The following NLRX1 variants were observed in gnomAD, a reference collection of about 807,000 sequenced individuals.
NLRX1 encodes NOD-like receptor X1.
A neutral mutation model predicts 74.2 loss-of-function variants in NLRX1; 67 were observed. That is an observed-to-expected ratio of 0.90 (90% CI 0.74 to 1.11). The LOEUF (loss-of-function observed/expected upper bound fraction) is 1.11. Among genes scored for constraint, NLRX1 ranks in the 50% least tolerant of loss-of-function variants. The probability of loss-of-function intolerance (pLI) is 0.00; values close to 1 mark genes in which losing one functional copy is unlikely to be tolerated. For missense variants in NLRX1, 1,191 were observed against 1,305.4 expected (o/e 0.91, Z 1.35); for synonymous variants, 506 against 559.1 (o/e 0.91, Z 1.34).
In NLRX1 at chr11:119,181,230, A is replaced by G. The variant is rs1565834681; in HGVS notation, c.2327A>G (p.His776Arg). The G allele has an allele frequency of 5.6e-6, 9 of 1,613,854 alleles. No individual in the cohort carries two copies. The highest frequency in any genetic ancestry group is 6.8e-6 in the Non-Finnish European group (8 of 1,179,940). Residue 776 changes from histidine (H) to arginine (R), a missense_variant, in exon 8 of 10, where the codon CAT (histidine) becomes CGT (arginine). Coordinates refer to ENST00000409109, the MANE Select transcript of NLRX1 (RefSeq NM_001282144.2). ...ACKDLRDLLLHDQCQITTLRL... is the reference protein window; with the variant it reads ...ACKDLRDLLLRDQCQITTLRL... ...AAGGACCTCCGAGACCTGTTGCTGC[A>G]TGACCAGTGCCAAATTACCACACTG...
Position 119,174,437 on chromosome 11 carries a change from A to G in NLRX1, c.850-16A>G, listed in dbSNP as rs1481089986. 6 of 1,608,360 alleles carry G rather than the reference A, an allele frequency of 3.7e-6. No homozygotes were observed. The highest frequency in any genetic ancestry group is 2.2e-5 in the East Asian group (1 of 44,826). On this transcript the variant is annotated splice_polypyrimidine_tract_variant and intron_variant, in intron 5 of 9. Transcript: ENST00000409109. ...ACACTAAGGTCTTTCTTAACTCTCA[A>G]CCATGCTCTTCCCAGGCCAGCATTC...
At chr11:119,181,985 C>T (rs1948848252) in intron 8 of NLRX1, 109 bp from the exon 9 acceptor site, 3 of 1,390,846 alleles carry the variant, frequency 2.2e-6, no homozygotes, top group Non-Finnish European at 3.0e-6. Flanking sequence ...GGCCCAAGTC[C>T]TGACACCCAG....
At position 119,183,342 on chromosome 11, in the gene NLRX1, G is replaced by A. The variant is rs61730045; in HGVS notation, c.2831G>A (p.Arg944Gln). ...ELLLRDLEDSRGATLNPWRKA... is the reference protein window; with the variant it reads ...ELLLRDLEDSQGATLNPWRKA... ...CTACTGCGGGATCTGGAAGATAGCC[G>A]GGGTGCCACCCTTAATCCTTGGCGC... Residue 944 changes from arginine to glutamine, a missense_variant, in exon 10 of 10, where the codon CGG becomes CAG. Transcript: ENST00000409109. The surrounding 1 kb of genome is among the most constrained non-coding windows in gnomAD (Gnocchi z 5.7). 2.0e-4 allele frequency: 320 copies of A among 1,614,220 alleles called. No homozygotes were observed. The African/African-American group carries it at 3.9e-3, about 20-fold the overall frequency.
intron 1 of NLRX1, among the ~76,000 whole-genome samples, chr11:119,170,004 A>T (rs1380556156): frequency 2.2e-5 from 1 of 46,136 alleles, no homozygotes; most frequent in African/African-American, 1.5e-4. Context: ...TCTCAGGAAA[A>T]AAAAAAAAAA....
At position 119,174,820 on chromosome 11, in the gene NLRX1, T is replaced by C; in HGVS notation, c.1217T>C (p.Phe406Ser). The part of the protein sequence containing the change: ...SIYTSFLRLN[F>S]SGETLDSTDP... ...TATACCAGCTTCCTGCGCCTCAACT[T>C]CAGCGGGGAAACCCTGGACAGCACT... is the stretch of plus-strand genomic sequence containing the variant. The change falls in exon 6 of 10, where the codon TTC becomes TCC. Residue 406 changes from phenylalanine to serine, a missense_variant. Phe to Ser is a radical substitution (Grantham distance 155). Coordinates refer to ENST00000409109, the MANE Select transcript of NLRX1 (RefSeq NM_001282144.2). 1 of 1,613,958 alleles carries C rather than the reference T, an allele frequency of 6.2e-7. No homozygotes were observed. Among genetic ancestry groups the C allele is most frequent in the Non-Finnish European group, 8.5e-7 (1 of 1,180,022 alleles).
At chr11:119,180,426 C>T (rs1366374199) in intron 7 of NLRX1, 138 bp downstream of exon 7, 30 of 714,076 alleles carry the variant, frequency 4.2e-5, no homozygotes, top group Admixed American at 1.5e-4. Context: ...GTTTAGGGGC[C>T]GGGAGCAGTG....
rs1412151350 is a variant in NLRX1 at position 119,173,405 on chromosome 11, C to T, written c.230-74C>T. ...CCGTGATGTCCCAGCCTGACCTCAC[C>T]ACCGCCCTGATTGGCCCTAAGCTAC... On this transcript the variant is annotated intron_variant, in intron 4 of 9. Transcript: ENST00000409109. The surrounding 1 kb of genome is among the most constrained non-coding windows in gnomAD (Gnocchi z 4.0). The T allele has an allele frequency of 1.4e-5, 22 of 1,519,822 alleles. 1 individual carries two copies. The East Asian group carries it at 5.0e-4, about 34-fold the overall frequency. 94.1% of individuals were successfully genotyped at this position (1,519,822 alleles called of 1,614,324 possible). A position where few individuals can be genotyped will look rare whatever the true frequency, so the allele number is the denominator to read the frequency against.
chr11:119,173,487 C>A lies in NLRX1; in HGVS notation c.238C>A (p.Gln80Lys). 1 of 1,613,210 alleles carries A rather than the reference C, an allele frequency of 6.2e-7. No homozygotes were observed. Residue 80 changes from glutamine to lysine, a missense_variant, in exon 5 of 10, where the codon CAG (glutamine) becomes AAG (lysine). By Grantham distance (53) the Gln-to-Lys change is moderately conservative (BLOSUM62 1). Coordinates refer to ENST00000409109, the MANE Select transcript of NLRX1 (RefSeq NM_001282144.2). This position sits in a 1 kb window ranked among gnomAD's most constrained non-coding sequence, Gnocchi z 4.0. ...FPSASATEAIQRHRRNLAEWF... is the reference protein window; with the variant it reads ...FPSASATEAIKRHRRNLAEWF... ...CTTATCTTCCCACTCAGAAGCTATA[C>A]AGCGGCACCGCCGGAACCTGGCTGA...
intron 6 of NLRX1, among the ~76,000 whole-genome samples, chr11:119,178,663 G>A (rs1948755073): frequency 6.6e-6 from 1 of 151,866 alleles, no homozygotes; most frequent in African/African-American, 2.4e-5. Context: ...GTTGGGGGAG[G>A]GGAAATGCCC....
rs368545709 is a variant in NLRX1 at position 119,179,928 on chromosome 11, G to A, written c.1907G>A (p.Arg636Gln). The A allele has an allele frequency of 2.2e-5, 35 of 1,611,704 alleles. No homozygotes were observed. Among genetic ancestry groups the A allele is most frequent in the Non-Finnish European group, 2.8e-5 (33 of 1,178,322 alleles). The stretch of plus-strand genomic sequence containing the variant: ...GGGGGGCTTCTCTCTGCCCACAACC[G>A]AGCTGTGCTAGCTCAGCTTGGCTGC... ...FMGGLLSAHN[R>Q]AVLAQLGCPI... is the part of the protein sequence containing the mutation. The change falls in exon 7 of 10, where the codon CGA becomes CAA. Residue 636 changes from arginine (R) to glutamine (Q), a missense_variant. Coordinates refer to ENST00000409109, the MANE Select transcript of NLRX1 (RefSeq NM_001282144.2).
In NLRX1 at chr11:119,182,248, C is replaced by G. The variant is rs1948858065; in HGVS notation, c.2509C>G (p.Leu837Val). 3 of 1,613,738 alleles carry G rather than the reference C, an allele frequency of 1.9e-6. No homozygotes were observed. The highest frequency in any genetic ancestry group is 1.7e-5 in the Admixed American group (1 of 60,000). Residue 837 changes from leucine (L) to valine (V), a missense_variant, in exon 9 of 10, where the codon CTG becomes GTG. Coordinates refer to ENST00000409109, the MANE Select transcript of NLRX1 (RefSeq NM_001282144.2). ...LAAQLDRNRQ[L>V]QELNVAYNGA... Reference sequence around the variant, plus strand: ...TGCCCAGCTGGACCGCAACCGGCAGCTGCAGGAGCTGAACGTGGCGTACAA... The same window carrying G: ...TGCCCAGCTGGACCGCAACCGGCAGGTGCAGGAGCTGAACGTGGCGTACAA...
intron 6 of NLRX1, 39 bp from the exon 7 acceptor site, chr11:119,179,654 A>G (rs751533087): frequency 2.2e-5 from 34 of 1,545,290 alleles, no homozygotes; most frequent in Middle Eastern, 3.5e-4. Flanking sequence ...GAACAGGCAC[A>G]TGGAAGGCCA....
rs80042725 is a variant in NLRX1, at chr11:119,174,654, G to C, written c.1051G>C (p.Val351Leu). 2.5e-6 allele frequency: 4 copies of C among 1,614,034 alleles called. No homozygotes were observed. In the African/African-American group the frequency reaches 5.3e-5, roughly 21 times the overall value. ...SATPAQRDHL[V>L]QMLSRNLEGH... is the part of the protein sequence containing the mutation. ...CACACCAGCTCAGCGTGACCACCTG[G>C]TGCAGATGCTCTCCCGGAACCTGGA... Residue 351 changes from valine (V) to leucine (L), a missense_variant, in exon 6 of 10, where the codon GTG becomes CTG. Physicochemically the swap from Val to Leu is conservative, Grantham distance 32. Coordinates refer to ENST00000409109, the MANE Select transcript of NLRX1 (RefSeq NM_001282144.2).
intron 1 of NLRX1, among the ~76,000 whole-genome samples, chr11:119,170,074 C>G (rs1948505542): frequency 7.5e-6 from 1 of 132,452 alleles, no homozygotes; most frequent in African/African-American, 2.8e-5. Flanking sequence ...TCATTCCAAA[C>G]TGGGAAGAGT....
rs993153258 is a variant in NLRX1 at position 119,173,245 on chromosome 11, G to C, written c.230-234G>C. The C allele has an allele frequency of 6.4e-6, 4 of 627,944 alleles. No individual in the cohort carries two copies. Among genetic ancestry groups the C allele is most frequent in the South Asian group, 5.9e-5 (3 of 50,922 alleles). 38.9% of individuals were successfully genotyped at this position (627,944 alleles called of 1,614,324 possible). The stretch of plus-strand genomic sequence containing the variant: ...AAAGTTGGGTCAAGCAGGTTAAGAC[G>C]GCACATAGGTCACTGTGAAACCAGT... On this transcript the variant is annotated intron_variant, in intron 4 of 9. Transcript: ENST00000409109. This position sits in a 1 kb window ranked among gnomAD's most constrained non-coding sequence, Gnocchi z 4.0.
In NLRX1 at chr11:119,183,294, G is replaced by A; in HGVS notation, c.2783G>A (p.Arg928Gln). The A allele has an allele frequency of 1.9e-6, 3 of 1,614,210 alleles. No individual in the cohort carries two copies. Among genetic ancestry groups the A allele is most frequent in the Non-Finnish European group, 1.7e-6 (2 of 1,180,038 alleles). ...QRNLNSWDRA[R>Q]VQRHLELLLR... The stretch of plus-strand genomic sequence containing the variant: ...AACCTCAATAGCTGGGATCGGGCCC[G>A]GGTTCAGCGACACCTTGAGCTCCTA... Residue 928 changes from arginine to glutamine, a missense_variant, in exon 10 of 10, where the codon CGG (arginine) becomes CAG (glutamine). By Grantham distance (43) the Arg-to-Gln change is conservative. Coordinates refer to ENST00000409109, the MANE Select transcript of NLRX1 (RefSeq NM_001282144.2). This position sits in a 1 kb window ranked among gnomAD's most constrained non-coding sequence, Gnocchi z 5.7.
chr11:119,183,187 T>G lies in NLRX1; in HGVS notation c.2676T>G (p.Gly892=). The G allele has an allele frequency of 6.2e-7, 1 of 1,614,190 alleles. No individual in the cohort carries two copies. ...VLRDLGGAAE[G]GARVVVSLTE... ...GAGACTTGGGGGGTGCTGCTGAAGG[T>G]GGTGCCCGGGTGGTGGTGTCACTGA... The change falls in exon 10 of 10, where the codon GGT becomes GGG. Residue 892 remains glycine (G), a synonymous_variant. Transcript: ENST00000409109. This position sits in a 1 kb window ranked among gnomAD's most constrained non-coding sequence, Gnocchi z 5.7.
intron 6 of NLRX1, among the ~76,000 whole-genome samples, chr11:119,176,538 T>G (rs1948708106): frequency 1.3e-5 from 2 of 152,014 alleles, no homozygotes; most frequent in Non-Finnish European, 2.9e-5. Flanking sequence ...GCCAACATGG[T>G]TAACCAAGTG....
intron 6 of NLRX1, 81 bp from the exon 7 acceptor site, chr11:119,179,612 G>A: frequency 7.2e-6 from 8 of 1,116,658 alleles, no homozygotes; most frequent in Non-Finnish European, 1.0e-5. Context: ...GAGCAGTCAT[G>A]GGAGTGTACC....
Sources: gnomAD v4.1 joint callset for allele counts (sites outside exome capture counted in the v4.1 genomes callset) on GRCh38, gnomAD v4.1.1 for gene constraint, Gnocchi (gnomAD v3.1) non-coding constraint, MANE v1.5 for transcripts, NCBI Gene and HGNC (gene_info 2026-07-23, HGNC 2026-07-21) for gene names.